Variants in NOX5 observed in about 807,000 individuals in gnomAD.
NOX5 encodes the protein NADPH oxidase 5.
In NOX5, 76 loss-of-function variants were observed where a neutral mutation model predicts 85.7. That is an observed-to-expected ratio of 0.89 (90% CI 0.74 to 1.07). The LOEUF is 1.07. Among genes scored for constraint, NOX5 ranks in the 50% least tolerant of loss-of-function variants. The probability of loss-of-function intolerance (pLI) is 0.00; values close to 1 mark genes in which losing one functional copy is unlikely to be tolerated. For missense variants in NOX5, 973 were observed against 999.5 expected (o/e 0.97, Z 0.36); for synonymous variants, 405 against 401.4 (o/e 1.01, Z -0.11).
rs151056169 is a variant in NOX5, at chr15:69,037,015, C to A, written c.1189-13C>A. 4.4e-5 allele frequency: 71 copies of A among 1,612,168 alleles called. No individual in the cohort carries two copies. The highest frequency in any genetic ancestry group is 4.3e-4 in the African/African-American group (32 of 74,978). On this transcript the variant is annotated splice_polypyrimidine_tract_variant and intron_variant, in intron 7 of 15. Coordinates refer to ENST00000388866, the MANE Select transcript of NOX5 (RefSeq NM_024505.4). ...TGAGCTCTGGAAGTTGACTGCCCCC[C>A]CTACCCCCATAGGTGTTCTATTGGA...
rs1381184348 is a variant in NOX5, at chr15:69,056,712, C to T, written c.*16C>T. The T allele has an allele frequency of 1.2e-6, 2 of 1,612,738 alleles. 1 individual carries two copies. Among genetic ancestry groups the T allele is most frequent in the South Asian group, 2.2e-5 (2 of 90,876 alleles). On this transcript the variant is annotated 3_prime_UTR_variant, in exon 16 of 16. Coordinates refer to ENST00000388866, the MANE Select transcript of NOX5 (RefSeq NM_024505.4). ...GAATTTCTAGCCTCACCTCTCCAAGCTCTGCCCCAAGTCCACACCATGGGT... is the reference window on the plus strand; with the variant it reads ...GAATTTCTAGCCTCACCTCTCCAAGTTCTGCCCCAAGTCCACACCATGGGT...
intron 14 of NOX5, among the ~76,000 whole-genome samples, chr15:69,049,353 C>T (rs1231354768): frequency 6.6e-6 from 1 of 151,828 alleles, no homozygotes; most frequent in African/African-American, 2.4e-5. Flanking sequence ...ACCACTTCCG[C>T]TAATTTTTTT....
chr15:69,036,081 T>C, intron 7 of NOX5, 145 bp downstream of exon 7: 1 of 1,127,542 alleles, frequency 8.9e-7, no homozygotes, highest in Non-Finnish European at 1.2e-6. Flanking sequence ...GACCTGCTGC[T>C]GTGTTCTGCC....
At chr15:69,031,914 C>A in intron 4 of NOX5, 102 bp downstream of exon 4, 1 of 1,223,804 alleles carries the variant, frequency 8.2e-7, no homozygotes, top group Non-Finnish European at 1.1e-6. Context: ...CCCTACCCCG[C>A]CCTGCCCCGC....
intron 2 of NOX5, among the ~76,000 whole-genome samples, chr15:69,027,575 C>T (rs2050374511): frequency 6.6e-6 from 1 of 152,142 alleles, no homozygotes; most frequent in South Asian, 2.1e-4. Context: ...GACACAGCAT[C>T]TTTGGGACAC....
chr15:69,047,957 G>A (rs750361001), intron 13 of NOX5, 46 bp downstream of exon 13: 2 of 1,560,750 alleles, frequency 1.3e-6, no homozygotes, highest in African/African-American at 1.4e-5. Flanking sequence ...TTCTCCCCTG[G>A]ACAACTCCTA....
intron 15 of NOX5, among the ~76,000 whole-genome samples, chr15:69,055,727 T>C (rs2050804316): frequency 6.6e-6 from 1 of 152,212 alleles, no homozygotes; most frequent in Non-Finnish European, 1.5e-5. Context: ...AGAGAGGAAG[T>C]TAGTCTCTAT....
chr15:69,034,923 T>C (rs1340679674), intron 5 of NOX5, among the ~76,000 whole-genome samples: 1 of 152,000 alleles, frequency 6.6e-6, no homozygotes, highest in Non-Finnish European at 1.5e-5. Flanking sequence ...CATGCCCAGC[T>C]AATTAAACAA....
At position 69,033,169 on chromosome 15, in the gene NOX5, C is replaced by T. The variant is rs2140260004; in HGVS notation, c.747C>T (p.His249=). 6.3e-7 allele frequency: 1 copy of T among 1,585,890 alleles called. No individual in the cohort carries two copies. The highest frequency in any genetic ancestry group is 2.3e-5 in the East Asian group (1 of 44,376). ...GCCTGGCCACCTATGCAGGCCTCCACGTGCTGCTCTTCGGGCTGGCGGCCA... is the reference window on the plus strand; with the variant it reads ...GCCTGGCCACCTATGCAGGCCTCCATGTGCTGCTCTTCGGGCTGGCGGCCA... ...LFCLATYAGL[H]VLLFGLAASA... is the part of the protein sequence containing the mutation. Residue 249 remains histidine, a synonymous_variant, in exon 5 of 16, where the codon CAC becomes CAT. Coordinates refer to ENST00000388866, the MANE Select transcript of NOX5 (RefSeq NM_024505.4).
At chr15:69,037,242 C>T (rs1262312753) in intron 8 of NOX5, 32 bp downstream of exon 8, 1 of 1,586,026 alleles carries the variant, frequency 6.3e-7, no homozygotes, top group Non-Finnish European at 8.6e-7. Context: ...AGGTGCTTTT[C>T]CAACTCACCC....
At chr15:69,032,783 GCTT>G (rs1226261496) in intron 4 of NOX5, among the ~76,000 whole-genome samples, 1 of 152,134 alleles carries the variant, frequency 6.6e-6, no homozygotes, top group Non-Finnish European at 1.5e-5. Flanking sequence ...CTTTTCGACT[GCTT>G]CTTTTAAAAT....
intron 3 of NOX5, 23 bp downstream of exon 3, chr15:69,028,388 G>C: frequency 6.4e-7 from 1 of 1,566,488 alleles, no homozygotes; most frequent in Non-Finnish European, 8.7e-7. Flanking sequence ...CCTGGGTGTG[G>C]GCTGGGGTGG....
rs1170276231 is a variant in NOX5, at chr15:69,057,505, T to G, written c.*809T>G. On this transcript the variant is annotated 3_prime_UTR_variant, in exon 16 of 16. Transcript: ENST00000388866. ...CTCTCCTGGCGCGTCCCTCAGAGCC[T>G]CTCTGGGCTCTGTATGCTGGCCTCT... 7 of 152,248 alleles carry G rather than the reference T, an allele frequency of 4.6e-5. No individual in the cohort carries two copies. The highest frequency in any genetic ancestry group is 1.5e-5 in the Non-Finnish European group (1 of 68,066). The allele number at this position is 152,248 out of a possible 1,614,324, so 9.4% of individuals were successfully genotyped here. A position where few individuals can be genotyped will look rare whatever the true frequency, so the allele number is the denominator to read the frequency against.
intron 11 of NOX5, 155 bp from the exon 12 acceptor site, chr15:69,047,258 A>G: frequency 1.1e-6 from 1 of 870,984 alleles, no homozygotes; most frequent in Non-Finnish European, 1.7e-6. Context: ...ATGTGGAAAG[A>G]GCACTGGAGT....
Position 69,026,616 on chromosome 15 carries a change from C to G in NOX5, c.139C>G (p.Leu47Val), listed in dbSNP as rs761647093. The change falls in exon 2 of 16, where the codon CTG becomes GTG. Residue 47 changes from leucine (L) to valine (V), a missense_variant. By Grantham distance (32) the Leu-to-Val change is conservative (BLOSUM62 1). Transcript: ENST00000388866. ...TIAGEDGEIS[L>V]QEFKAALHVK... ...TGCAGGAGAAGATGGGGAGATCAGC[C>G]TGCAAGAATTCAAAGCAGCTCTGCA... 6.2e-7 allele frequency: 1 copy of G among 1,614,184 alleles called. No individual in the cohort carries two copies. The highest frequency in any genetic ancestry group is 8.5e-7 in the Non-Finnish European group (1 of 1,180,030).
At position 69,031,798 on chromosome 15, in the gene NOX5, G is replaced by A. The variant is rs780670364; in HGVS notation, c.606G>A (p.Glu202=). ...TGCAGCGCTTCCCCGGAGTCATGGA[G>A]AACCTGACCATCAGGTACGGCCGGG... is the stretch of plus-strand genomic sequence containing the variant. The part of the protein sequence containing the change: ...DELQRFPGVM[E]NLTISAAHWL... The change falls in exon 4 of 16, where the codon GAG becomes GAA. Residue 202 remains glutamate (E), a synonymous_variant. Transcript: ENST00000388866. 1.9e-6 allele frequency: 3 copies of A among 1,598,196 alleles called. No individual in the cohort carries two copies. Among genetic ancestry groups the A allele is most frequent in the South Asian group, 2.2e-5 (2 of 90,458 alleles).
In NOX5 at chr15:69,060,409, A is replaced by T. The variant is rs536339812; in HGVS notation, c.*3713A>T. 4 of 152,364 alleles carry T rather than the reference A, an allele frequency of 2.6e-5. No homozygotes were observed. The highest frequency in any genetic ancestry group is 9.6e-5 in the African/African-American group (4 of 41,588). 9.4% of individuals were successfully genotyped at this position (152,364 alleles called of 1,614,324 possible). A position where few individuals can be genotyped will look rare whatever the true frequency, so the allele number is the denominator to read the frequency against. On this transcript the variant is annotated 3_prime_UTR_variant, in exon 16 of 16. Transcript: ENST00000388866. ...TGAGTCCTACACTTGCCTCTGCCAC[A>T]GTCTGCTGTGTGACCTTGGGTGTAT...
chr15:69,037,703 G>A (rs902698855), intron 8 of NOX5: 3 of 154,542 alleles, frequency 1.9e-5, no homozygotes. Flanking sequence ...GTTGGATAGA[G>A]AAGACAAGGA....
Position 69,060,536 on chromosome 15 carries a change from T to C in NOX5, c.*3840T>C, listed in dbSNP as rs2140289110. On this transcript the variant is annotated 3_prime_UTR_variant, in exon 16 of 16. Transcript: ENST00000388866. ...ATTTCTAAAAGGATACATGAAAGTA[T>C]ATTTATCTGTGTGCTCTGGGGAGTG... The C allele has an allele frequency of 6.6e-6, 1 of 152,372 alleles. No individual in the cohort carries two copies. Among genetic ancestry groups the C allele is most frequent in the African/African-American group, 2.4e-5 (1 of 41,584 alleles). 9.4% of individuals were successfully genotyped at this position (152,372 alleles called of 1,614,324 possible). A position where few individuals can be genotyped will look rare whatever the true frequency, so the allele number is the denominator to read the frequency against.
Sources: gnomAD v4.1 joint callset for allele counts (sites outside exome capture counted in the v4.1 genomes callset) on GRCh38, gnomAD v4.1.1 for gene constraint, MANE v1.5 for transcripts, NCBI Gene and HGNC (gene_info 2026-07-23, HGNC 2026-07-21) for gene names.